The following CFAP20DC variants were observed in gnomAD, a reference collection of about 807,000 sequenced individuals.
The protein encoded by CFAP20DC is CFAP20 domain containing.
A neutral mutation model predicts 101.7 loss-of-function variants in CFAP20DC; 84 were observed. The observed-to-expected ratio is 0.83, with a 90% CI of 0.69 to 0.99. CFAP20DC has a LOEUF of 0.99. Among genes scored for constraint, CFAP20DC ranks in the 50% least tolerant of loss-of-function variants. The pLI is 0.00. For synonymous variants in CFAP20DC, 359 were observed against 351.2 expected, an observed-to-expected ratio of 1.02 and a Z score of -0.25; for missense variants, 1,007 against 970.3, an observed-to-expected ratio of 1.04 and a Z score of -0.50.
chr3:58,959,180 C>T (rs754557270), intron 4 of CFAP20DC, among the ~76,000 whole-genome samples: 29 of 152,220 alleles, frequency 1.9e-4, no homozygotes, highest in African/African-American at 5.1e-4. Flanking sequence ...CTGCAACCTC[C>T]GCCTCCCCAG....
At chr3:58,839,148 T>C (rs1165147396) in intron 13 of CFAP20DC, among the ~76,000 whole-genome samples, 2 of 152,258 alleles carry the variant, frequency 1.3e-5, no homozygotes, top group African/African-American at 2.4e-5. Context: ...AACATTTGTG[T>C]GTGCTTTTGC....
chr3:59,024,969 G>A (rs904682236), intron 4 of CFAP20DC, among the ~76,000 whole-genome samples: 3 of 152,168 alleles, frequency 2.0e-5, no homozygotes, highest in African/African-American at 7.2e-5. Flanking sequence ...GCTGTGAATT[G>A]TCTTCAATCA....
intron 4 of CFAP20DC, among the ~76,000 whole-genome samples, chr3:58,976,243 C>CATCCATTTAGGCATTTCCCAATT (rs1239630892): frequency 6.6e-6 from 1 of 152,062 alleles, no homozygotes; most frequent in Admixed American, 6.6e-5. Flanking sequence ...GTGGAAATGC[C>CATCCATTTAGGCATTTCCCAATT]AGGAAATATC....
At position 59,049,996 on chromosome 3, in the gene CFAP20DC, G is replaced by A. The variant is rs1012653859; in HGVS notation, c.-365C>T. 2 of 247,858 alleles carry A rather than the reference G, an allele frequency of 8.1e-6. No homozygotes were observed. The highest frequency in any genetic ancestry group is 1.5e-5 in the Non-Finnish European group (2 of 129,066). The allele number at this position is 247,858 out of a possible 1,614,324, so 15.4% of individuals were successfully genotyped here. ...GCCCGCTGGCCTAGGAAAAGCGGGC[G>A]CGCTCCCGCTGCCGCCCCACCCCAG... is the stretch of plus-strand genomic sequence containing the variant. On this transcript the variant is annotated 5_prime_UTR_variant, in exon 1 of 17. Transcript: ENST00000482387.
chr3:58,760,366 A>G (rs2069436857), intron 15 of CFAP20DC, among the ~76,000 whole-genome samples: 1 of 152,104 alleles, frequency 6.6e-6, no homozygotes, highest in Non-Finnish European at 1.5e-5. Flanking sequence ...AATGCTTGTG[A>G]TTTTTGCACA....
At chr3:58,845,390 C>A (rs369214013) in intron 13 of CFAP20DC, among the ~76,000 whole-genome samples, 1 of 152,060 alleles carries the variant, frequency 6.6e-6, no homozygotes, top group Admixed American at 6.5e-5. Context: ...AACAACTCTA[C>A]GCAAATAAAC....
At chr3:58,979,771 T>C (rs1044032925) in intron 4 of CFAP20DC, among the ~76,000 whole-genome samples, 1 of 152,140 alleles carries the variant, frequency 6.6e-6, no homozygotes, top group Non-Finnish European at 1.5e-5. Flanking sequence ...CCTAAAGAAG[T>C]GCCTTCACAA....
Position 58,863,874 on chromosome 3 carries a change from T to C in CFAP20DC, c.1277A>G (p.Glu426Gly), listed in dbSNP as rs2079453265. The change falls in exon 12 of 17, where the codon GAA becomes GGA. Residue 426 changes from glutamate (E) to glycine (G), a missense_variant. Coordinates refer to ENST00000482387, the MANE Select transcript of CFAP20DC (RefSeq NM_001394063.1). The surrounding 1 kb of genome is among the most constrained non-coding windows in gnomAD (Gnocchi z 5.9). ...PDQSDEWIFP[E>G]NADHISYLAS... Reference sequence around the variant, plus strand: ...CAGATATGAAATGTGATCAGCATTTTCAGGAAAAATCCACTCATCTGACAG... The same window carrying C: ...CAGATATGAAATGTGATCAGCATTTCCAGGAAAAATCCACTCATCTGACAG... 2 of 1,611,108 alleles carry C rather than the reference T, an allele frequency of 1.2e-6. No homozygotes were observed. Among genetic ancestry groups the C allele is most frequent in the Non-Finnish European group, 1.7e-6 (2 of 1,178,098 alleles).
chr3:58,883,509 CT>C (rs1414105709), intron 7 of CFAP20DC, among the ~76,000 whole-genome samples: 1 of 152,142 alleles, frequency 6.6e-6, no homozygotes, highest in Non-Finnish European at 1.5e-5. Flanking sequence ...ATTTTGCTGT[CT>C]CTTTGTTTTT....
rs1236295656 is a variant in CFAP20DC, at chr3:59,047,261, A to T, written c.22-7T>A. The stretch of plus-strand genomic sequence containing the variant: ...TTTCAACAAATGCACCTCCCTAGAA[A>T]ATGAAAATAAAATATTAAAAGACAA... On this transcript the variant is annotated splice_polypyrimidine_tract_variant and splice_region_variant and intron_variant, in intron 1 of 16. Coordinates refer to ENST00000482387, the MANE Select transcript of CFAP20DC (RefSeq NM_001394063.1). 6 of 1,514,484 alleles carry T rather than the reference A, an allele frequency of 4.0e-6. No individual in the cohort carries two copies. The African/African-American group carries it at 5.5e-5, about 14-fold the overall frequency. 93.8% of individuals were successfully genotyped at this position (1,514,484 alleles called of 1,614,324 possible). A position where few individuals can be genotyped will look rare whatever the true frequency, so the allele number is the denominator to read the frequency against.
rs771139162 is a variant in CFAP20DC at position 58,913,914 on chromosome 3, A to C, written c.394-50T>G. 12 of 1,584,908 alleles carry C rather than the reference A, an allele frequency of 7.6e-6. No homozygotes were observed. The highest frequency in any genetic ancestry group is 9.5e-6 in the Non-Finnish European group (11 of 1,156,610). On this transcript the variant is annotated intron_variant, in intron 5 of 16. Transcript: ENST00000482387. The surrounding 1 kb of genome is among the most constrained non-coding windows in gnomAD (Gnocchi z 4.4). ...AGTAAGGACCTTTCATCAACACATAAATGAACAAACCATCTATATGTAGAC... is the reference window on the plus strand; with the variant it reads ...AGTAAGGACCTTTCATCAACACATACATGAACAAACCATCTATATGTAGAC...
intron 15 of CFAP20DC, among the ~76,000 whole-genome samples, chr3:58,796,273 T>C (rs992399264): frequency 6.6e-6 from 1 of 152,142 alleles, no homozygotes; most frequent in Non-Finnish European, 1.5e-5. Context: ...GGTGAATTGC[T>C]GGGTCTCCTG....
At chr3:58,837,700 T>A (rs1197304661) in intron 13 of CFAP20DC, among the ~76,000 whole-genome samples, 3 of 152,056 alleles carry the variant, frequency 2.0e-5, no homozygotes, top group Non-Finnish European at 4.4e-5. Flanking sequence ...AGCTGGAGAG[T>A]CAGTATCACT....
intron 13 of CFAP20DC, among the ~76,000 whole-genome samples, chr3:58,833,186 G>C (rs1056975053): frequency 7.9e-5 from 12 of 152,130 alleles, no homozygotes; most frequent in Non-Finnish European, 1.3e-4. Context: ...ATAAAAGCTT[G>C]TTATCTGATA....
intron 3 of CFAP20DC, among the ~76,000 whole-genome samples, chr3:58,718,892 G>A (rs901620391): frequency 2.0e-5 from 3 of 152,156 alleles, no homozygotes; most frequent in Non-Finnish European, 2.9e-5. Flanking sequence ...ATGAAGTTCT[G>A]ATTGGTTTTA....
intron 15 of CFAP20DC, among the ~76,000 whole-genome samples, chr3:58,801,142 G>C (rs1221848008): frequency 6.6e-6 from 1 of 152,054 alleles, no homozygotes. Context: ...ATCAGTAAAT[G>C]AGCTTTCAGC....
chr3:58,768,394 G>T (rs760554791), intron 15 of CFAP20DC, among the ~76,000 whole-genome samples: 13 of 152,174 alleles, frequency 8.5e-5, no homozygotes, highest in Non-Finnish European at 1.8e-4. Flanking sequence ...CTGGGAAGAG[G>T]AAACCAGTTT....
intron 6 of CFAP20DC, among the ~76,000 whole-genome samples, chr3:58,891,159 C>T (rs2082207996): frequency 6.6e-6 from 1 of 151,918 alleles, no homozygotes; most frequent in Non-Finnish European, 1.5e-5. Context: ...GAACGAGACT[C>T]CGTCTGCAAT....
intron 6 of CFAP20DC, among the ~76,000 whole-genome samples, chr3:58,907,053 C>T (rs918175927): frequency 3.8e-4 from 58 of 152,052 alleles, no homozygotes; most frequent in African/African-American, 1.3e-3. Flanking sequence ...GTGAAAATGT[C>T]AGCCTCCATT....
Sources: allele counts gnomAD v4.1 joint callset (sites outside exome capture counted in the v4.1 genomes callset), GRCh38; gene constraint gnomAD v4.1.1; non-coding constraint Gnocchi (gnomAD v3.1); transcripts MANE v1.5; gene names NCBI Gene and HGNC (gene_info 2026-07-23, HGNC 2026-07-21).